LIPI: variants seen among roughly 807,000 people sequenced by gnomAD.
The protein encoded by LIPI is lipase member I.
LIPI carries 59 observed loss-of-function variants against 50.6 expected under a neutral mutation model. The observed-to-expected ratio is 1.16, with a 90% CI of 0.94 to 1.45. LIPI has a LOEUF of 1.45. Ranked by LOEUF, LIPI falls within the 40% of genes most tolerant of loss-of-function variation. The probability of loss-of-function intolerance (pLI) is 0.00; values close to 1 mark genes in which losing one functional copy is unlikely to be tolerated. For missense variants in LIPI, 586 were observed against 536.3 expected (o/e 1.09, Z -0.92); for synonymous variants, 203 against 178.2 (o/e 1.14, Z -1.11).
intron 9 of LIPI, among the ~76,000 whole-genome samples, chr21:14,111,252 A>G (rs1182318600): frequency 6.6e-6 from 1 of 151,902 alleles, no homozygotes; most frequent in East Asian, 1.9e-4. Context: ...AACATTTGTT[A>G]TAACTTTTGT....
chr21:14,156,601 A>G (rs1198897741), intron 7 of LIPI, among the ~76,000 whole-genome samples: 1 of 151,912 alleles, frequency 6.6e-6, no homozygotes, highest in Non-Finnish European at 1.5e-5. Context: ...AAGCCACCAA[A>G]TTTGTGGTAA....
At position 14,210,948 on chromosome 21, in the gene LIPI, T is replaced by G; in HGVS notation, c.-103A>C. On this transcript the variant is annotated 5_prime_UTR_variant, in exon 1 of 10. Coordinates refer to ENST00000681601, the MANE Select transcript of LIPI (RefSeq NM_001302998.2). ...GTAGGATCATCACAGGCTGGCAGGT[T>G]CTTCTGTAAAAGTTCACTGATTTTT... is the stretch of plus-strand genomic sequence containing the variant. 9.4e-7 allele frequency: 1 copy of G among 1,068,026 alleles called. No homozygotes were observed. Among genetic ancestry groups the G allele is most frequent in the Non-Finnish European group, 1.1e-6 (1 of 877,456 alleles). 66.2% of individuals were successfully genotyped at this position (1,068,026 alleles called of 1,614,324 possible). A position where few individuals can be genotyped will look rare whatever the true frequency, so the allele number is the denominator to read the frequency against.
intron 9 of LIPI, among the ~76,000 whole-genome samples, chr21:14,130,254 C>T (rs947243388): frequency 2.0e-5 from 3 of 152,052 alleles, no homozygotes; most frequent in East Asian, 3.9e-4. Flanking sequence ...GCAGGAGAAT[C>T]GTGTGAACCC....
At chr21:14,193,142 T>A (rs1342635834) in intron 1 of LIPI, among the ~76,000 whole-genome samples, 2 of 152,098 alleles carry the variant, frequency 1.3e-5, no homozygotes, top group Non-Finnish European at 2.9e-5. Context: ...AATTTTGTTA[T>A]GGTATTGGAG....
At chr21:14,192,560 T>C (rs187299413) in intron 1 of LIPI, among the ~76,000 whole-genome samples, 114 of 152,122 alleles carry the variant, frequency 7.5e-4, no homozygotes, top group Middle Eastern at 6.8e-3. Flanking sequence ...TAAGGAACAT[T>C]AAATTGATTC....
intron 9 of LIPI, among the ~76,000 whole-genome samples, chr21:14,134,959 G>A (rs907636895): frequency 2.0e-5 from 3 of 152,078 alleles, no homozygotes; most frequent in African/African-American, 7.2e-5. Flanking sequence ...AAACTAAAAA[G>A]CTTCTACACA....
chr21:14,171,698 C>T (rs1028863122), intron 4 of LIPI, among the ~76,000 whole-genome samples: 4 of 151,814 alleles, frequency 2.6e-5, no homozygotes, highest in Non-Finnish European at 1.5e-5. Flanking sequence ...TTCCTTACAC[C>T]TTATACAAAA....
At chr21:14,183,135 C>T (rs2019332543) in intron 3 of LIPI, among the ~76,000 whole-genome samples, 1 of 152,122 alleles carries the variant, frequency 6.6e-6, no homozygotes, top group Non-Finnish European at 1.5e-5. Flanking sequence ...AGAAATAGAC[C>T]AATGGAACAG....
intron 9 of LIPI, chr21:14,143,410 A>G (rs914080776): frequency 3.3e-5 from 5 of 152,178 alleles, no homozygotes; most frequent in African/African-American, 1.2e-4. Flanking sequence ...ATATCACACC[A>G]AAAGTTATAA....
At chr21:14,136,889 T>C (rs1207754099) in intron 9 of LIPI, among the ~76,000 whole-genome samples, 1 of 152,110 alleles carries the variant, frequency 6.6e-6, no homozygotes, top group African/African-American at 2.4e-5. Flanking sequence ...AGACTCTATA[T>C]GTATGGGAAA....
chr21:14,194,970 A>G (rs1490116611), intron 1 of LIPI, among the ~76,000 whole-genome samples: 1 of 152,194 alleles, frequency 6.6e-6, no homozygotes, highest in African/African-American at 2.4e-5. Flanking sequence ...ACACTGGACA[A>G]CAAAAAACAC....
chr21:14,206,609 C>G (rs2020232359), intron 1 of LIPI, among the ~76,000 whole-genome samples: 2 of 151,924 alleles, frequency 1.3e-5, no homozygotes, highest in Admixed American at 1.3e-4. Flanking sequence ...AACCCCCATT[C>G]TCATCCCAAA....
chr21:14,206,734 A>T (rs2020235904), intron 1 of LIPI: 7 of 828,520 alleles, frequency 8.4e-6, no homozygotes, highest in Non-Finnish European at 1.4e-5. Flanking sequence ...CTATCACTTC[A>T]TGGCAAGCCC....
At chr21:14,148,367 G>A (rs1388863562) in intron 8 of LIPI, among the ~76,000 whole-genome samples, 1 of 151,976 alleles carries the variant, frequency 6.6e-6, no homozygotes, top group African/African-American at 2.4e-5. Flanking sequence ...AAAATTCTTT[G>A]ACTCCTGTGC....
intron 9 of LIPI, among the ~76,000 whole-genome samples, chr21:14,143,312 A>G (rs368883376): frequency 2.0e-5 from 3 of 152,254 alleles, no homozygotes; most frequent in East Asian, 3.9e-4. Flanking sequence ...ATATTTTGGC[A>G]TTTTCAAAGG....
Position 14,136,398 on chromosome 21 carries a change from G to A in LIPI, c.1295+8225C>T, listed in dbSNP as rs190622992. Among the ~76,000 whole-genome samples, 29 of 152,234 alleles carry A rather than the reference G, an allele frequency of 1.9e-4. 1 individual carries two copies. The highest frequency in any genetic ancestry group is 3.4e-3 in the Middle Eastern group (1 of 294). ...ACCACCAGCTGTCTTAAGAGAAATT[G>A]GGACTTAAGGGAAAATCACTGGTAG... On this transcript the variant is annotated intron_variant, in intron 9 of 9. Transcript: ENST00000681601.
At chr21:14,199,799 C>CTTCAGGCCAATAT (rs1555861275) in intron 1 of LIPI, among the ~76,000 whole-genome samples, 1 of 151,456 alleles carries the variant, frequency 6.6e-6, no homozygotes, top group Non-Finnish European at 1.5e-5. Context: ...TTTAACAACA[C>CTTCAGGCCAATAT]CACAAAAAAC....
chr21:14,194,610 G>A (rs969754134), intron 1 of LIPI, among the ~76,000 whole-genome samples: 13 of 152,108 alleles, frequency 8.5e-5, no homozygotes, highest in South Asian at 2.1e-4. Context: ...TTATAGAGAC[G>A]GAAAGTAGGA....
chr21:14,158,721 A>C (rs2018359725), intron 7 of LIPI, among the ~76,000 whole-genome samples: 1 of 150,654 alleles, frequency 6.6e-6, no homozygotes, highest in Non-Finnish European at 1.5e-5. Flanking sequence ...TCTTGAATAA[A>C]AACCAATAAA....
Sources: allele counts gnomAD v4.1 joint callset (sites outside exome capture counted in the v4.1 genomes callset), GRCh38; gene constraint gnomAD v4.1.1; transcripts MANE v1.5; gene names NCBI Gene and HGNC (gene_info 2026-07-23, HGNC 2026-07-21).